Variants in ERC2 observed in about 807,000 individuals in gnomAD.
ERC2 encodes the protein ERC protein 2.
Under a neutral mutation model 114.8 loss-of-function variants are expected in ERC2, and 42 were observed. That is an observed-to-expected ratio of 0.37 (90% confidence interval 0.29 to 0.47). The LOEUF (loss-of-function observed/expected upper bound fraction) is 0.47, where lower values mean the gene tolerates loss of function less well. Among genes scored for constraint, ERC2 ranks in the 20% least tolerant of loss-of-function variants. The pLI, the probability that ERC2 is intolerant of heterozygous loss-of-function variation, is 0.99. For missense variants in ERC2, 939 were observed against 1,150.7 expected (o/e 0.82, Z 2.66); for synonymous variants, 454 against 425.5 (o/e 1.07, Z -0.82).
At chr3:56,310,303 A>G (rs780410072) in intron 2 of ERC2, among the ~76,000 whole-genome samples, 10 of 152,234 alleles carry the variant, frequency 6.6e-5, no homozygotes, top group Non-Finnish European at 1.3e-4. Context: ...AGAAACGCTT[A>G]TAATATTAAC....
Position 55,787,636 on chromosome 3 carries a change from G to T in ERC2, c.2565-52718C>A, listed in dbSNP as rs996761272. 2.0e-5 allele frequency among the ~76,000 whole-genome samples: 3 copies of T among 151,972 alleles called. No homozygotes were observed. The East Asian group carries it at 5.8e-4, about 29-fold the overall frequency. On this transcript the variant is annotated intron_variant, in intron 14 of 17. Transcript: ENST00000288221. ...CACTCCATTTTATTTTATTTTAAAT[G>T]GGAAATAGGAACAAGGGATATAAGA...
chr3:56,399,696 A>G (rs988472757), intron 2 of ERC2, among the ~76,000 whole-genome samples: 1 of 152,136 alleles, frequency 6.6e-6, no homozygotes, highest in African/African-American at 2.4e-5. Flanking sequence ...CAAATAATGT[A>G]TATTATTTCC....
At chr3:55,628,429 C>CATAG (rs1467955553) in intron 17 of ERC2, among the ~76,000 whole-genome samples, 1 of 152,204 alleles carries the variant, frequency 6.6e-6, no homozygotes. Flanking sequence ...CTATGATATA[C>CATAG]ATAGGGTCTT....
chr3:55,772,045 T>G (rs2068245028), intron 14 of ERC2, among the ~76,000 whole-genome samples: 1 of 151,422 alleles, frequency 6.6e-6, no homozygotes, highest in South Asian at 2.1e-4. Context: ...AGGACTGTTG[T>G]GAGTATTAAA....
chr3:55,940,865 CTA>C (rs1312483173), intron 13 of ERC2, among the ~76,000 whole-genome samples: 3 of 152,114 alleles, frequency 2.0e-5, no homozygotes, highest in African/African-American at 4.8e-5. Context: ...CCTAATTTTT[CTA>C]TGTTTTTGGA....
intron 2 of ERC2, among the ~76,000 whole-genome samples, chr3:56,341,929 A>T (rs2058104055): frequency 6.6e-6 from 1 of 152,208 alleles, no homozygotes; most frequent in Non-Finnish European, 1.5e-5. Flanking sequence ...TCTGTAGCCC[A>T]TGCTGCCCAC....
At chr3:56,112,814 A>G (rs2079031862) in intron 6 of ERC2, among the ~76,000 whole-genome samples, 1 of 152,074 alleles carries the variant, frequency 6.6e-6, no homozygotes, top group Non-Finnish European at 1.5e-5. Context: ...TAAATTTCCC[A>G]TTTCCACCGG....
chr3:56,059,510 C>G (rs1390316348), intron 7 of ERC2, among the ~76,000 whole-genome samples: 5 of 152,190 alleles, frequency 3.3e-5, no homozygotes, highest in African/African-American at 9.7e-5. Context: ...CTTCAGATCT[C>G]TAGGATTCAG....
intron 12 of ERC2, among the ~76,000 whole-genome samples, chr3:55,952,179 A>AT (rs2067608452): frequency 4.8e-5 from 3 of 62,110 alleles, no homozygotes; most frequent in South Asian, 6.7e-4. Context: ...ACACACACAC[A>AT]CTCTCTCTCT....
chr3:55,798,491 G>A (rs963219299), intron 14 of ERC2, among the ~76,000 whole-genome samples: 12 of 151,874 alleles, frequency 7.9e-5, no homozygotes, highest in African/African-American at 1.2e-4. Context: ...CCAGCTACTC[G>A]GGCAGCTGAG....
At chr3:55,772,133 CATTT>C (rs1422262747) in intron 14 of ERC2, among the ~76,000 whole-genome samples, 1 of 152,062 alleles carries the variant, frequency 6.6e-6, no homozygotes, top group Non-Finnish European at 1.5e-5. Context: ...TTAGAATTAC[CATTT>C]ATTTTATTAA....
chr3:55,625,366 CA>C (rs2059475640), intron 17 of ERC2, among the ~76,000 whole-genome samples: 2 of 39,808 alleles, frequency 5.0e-5, no homozygotes, highest in African/African-American at 1.0e-4. Context: ...GACTCCGACT[CA>C]AAAAAAGAAA....
intron 17 of ERC2, among the ~76,000 whole-genome samples, chr3:55,544,865 A>T (rs1023239017): frequency 1.3e-5 from 2 of 152,226 alleles, no homozygotes; most frequent in Non-Finnish European, 2.9e-5. Context: ...CAAAGGAAGA[A>T]TTACATCTCA....
intron 2 of ERC2, among the ~76,000 whole-genome samples, chr3:56,373,555 C>A (rs146109967): frequency 2.6e-4 from 40 of 152,198 alleles, no homozygotes; most frequent in African/African-American, 9.4e-4. Flanking sequence ...ACCATCCTCA[C>A]CCCTCCCAAT....
intron 3 of ERC2, among the ~76,000 whole-genome samples, chr3:56,216,685 CA>C (rs1007108437): frequency 6.6e-6 from 1 of 151,982 alleles, no homozygotes; most frequent in South Asian, 2.1e-4. Context: ...AGAGACACAA[CA>C]AAAAAAGAGA....
chr3:55,676,190 T>C (rs1418241457), intron 17 of ERC2, among the ~76,000 whole-genome samples: 1 of 151,954 alleles, frequency 6.6e-6, no homozygotes, highest in East Asian at 1.9e-4. Flanking sequence ...CCCAAAGTGC[T>C]TGGATTACAG....
At position 56,429,010 on chromosome 3, in the gene ERC2, G is replaced by T. The variant is rs190912501; in HGVS notation, c.657+5341C>A. Among the ~76,000 whole-genome samples the T allele has an allele frequency of 3.5e-4, 54 of 152,278 alleles. 3 individuals carry two copies. The highest frequency in any genetic ancestry group is 2.0e-3 in the Admixed American group (30 of 15,292). ...AATTGCTTTATGTGTACCTAATTTG[G>T]AAGAAATCCGTTAGAAATACAACGT... On this transcript the variant is annotated intron_variant, in intron 2 of 17. Transcript: ENST00000288221.
intron 17 of ERC2, among the ~76,000 whole-genome samples, chr3:55,520,075 G>A (rs72868668): frequency 0.013 from 1,940 of 149,662 alleles, 46 homozygotes; most frequent in African/African-American, 0.045. Flanking sequence ...GGAAAAAAAA[G>A]GATAAAATTA....
intron 12 of ERC2, among the ~76,000 whole-genome samples, chr3:55,973,167 G>C (rs2069306554): frequency 6.6e-6 from 1 of 152,116 alleles, no homozygotes; most frequent in Non-Finnish European, 1.5e-5. Context: ...ACAGAGACTG[G>C]GACAGATTGT....
Sources: allele counts gnomAD v4.1 joint callset (sites outside exome capture counted in the v4.1 genomes callset), GRCh38; gene constraint gnomAD v4.1.1; transcripts MANE v1.5; gene names NCBI Gene and HGNC (gene_info 2026-07-23, HGNC 2026-07-21).